The following NBPF12 variants were observed in gnomAD, a reference collection of about 807,000 sequenced individuals.
The protein encoded by NBPF12 is NBPF family member NBPF12.
In NBPF12, 115 loss-of-function variants were observed where a neutral mutation model predicts 146.4. The observed-to-expected ratio is 0.79, with a 90% CI of 0.68 to 0.92. The LOEUF (loss-of-function observed/expected upper bound fraction) is 0.92, where lower values mean the gene tolerates loss of function less well. Among genes scored for constraint, NBPF12 ranks in the 40% least tolerant of loss-of-function variants. NBPF12 has a pLI of 0.00. For synonymous variants in NBPF12, 385 were observed against 508.9 expected, an observed-to-expected ratio of 0.76 and a Z score of 3.28; for missense variants, 1,205 against 1,326.8, an observed-to-expected ratio of 0.91 and a Z score of 1.43.
chr1:146,960,216 C>T (rs1292583708), exon 4 of NBPF12: 73 of 1,004,218 alleles, frequency 7.3e-5, no homozygotes, highest in African/African-American at 5.7e-4. Flanking sequence ...CGAGAAATTG[C>T]GCCCCCAGTT....
chr1:146,950,301 A>C (rs1655273427), intron 1 of NBPF12, among the ~76,000 whole-genome samples: 1 of 151,898 alleles, frequency 6.6e-6, no homozygotes, highest in South Asian at 2.1e-4. Flanking sequence ...GTGTCCATTA[A>C]GTGCAGATCC....
exon 34 of NBPF12, chr1:146,994,563 A>T: frequency 1.2e-6 from 2 of 1,609,256 alleles, no homozygotes; most frequent in Non-Finnish European, 1.7e-6. Flanking sequence ...TGGGAGTCAT[A>T]TTCCCACAAT....
At chr1:146,968,576 A>T in intron 10 of NBPF12, 26 bp downstream of exon 13, 4 of 1,551,710 alleles carry the variant, frequency 2.6e-6, no homozygotes, top group South Asian at 2.2e-5. Context: ...GGGGGCAGGC[A>T]GGGGGGCAGG....
chr1:146,947,593 G>A (rs1342977134), upstream of NBPF12, among the ~76,000 whole-genome samples: 348 of 119,150 alleles, frequency 2.9e-3, 2 homozygotes, highest in Non-Finnish European at 4.2e-3. Context: ...GCAGCCATCA[G>A]CAGAGTTCTA....
chr1:146,945,886 T>C (rs1405761031), upstream of NBPF12, among the ~76,000 whole-genome samples: 1 of 151,988 alleles, frequency 6.6e-6, no homozygotes, highest in African/African-American at 2.4e-5. Flanking sequence ...TCCTAAATCC[T>C]CAATACAGCA....
chr1:146,971,426 C>T lies in NBPF12; in HGVS notation c.1591+32C>T, dbSNP rs1553886442. 14 of 1,558,862 alleles carry T rather than the reference C, an allele frequency of 9.0e-6. 1 individual carries two copies. The highest frequency in any genetic ancestry group is 8.5e-5 in the African/African-American group (6 of 70,248). On this transcript the variant is annotated intron_variant, in intron 13 of 33. Transcript: ENST00000617844. Reference sequence around the variant, plus strand: ...TCTATTTTCCTTGTGTCTCATACCTCTGTCTAGGCTATGGAAGATCAATTC... The same window carrying T: ...TCTATTTTCCTTGTGTCTCATACCTTTGTCTAGGCTATGGAAGATCAATTC...
At chr1:146,965,372 T>G (rs1430622686) in intron 8 of NBPF12, among the ~76,000 whole-genome samples, 1 of 151,358 alleles carries the variant, frequency 6.6e-6, no homozygotes, top group Non-Finnish European at 1.5e-5. Flanking sequence ...TGGTGCTGCG[T>G]GCCTATAGTC....
intron 2 of NBPF12, among the ~76,000 whole-genome samples, chr1:146,956,144 T>C (rs1398263687): frequency 6.6e-6 from 1 of 151,716 alleles, no homozygotes; most frequent in Non-Finnish European, 1.5e-5. Flanking sequence ...TGTCCAATAA[T>C]AAGTGAAAGT....
At chr1:146,964,484 G>T in intron 7 of NBPF12, 55 bp downstream of exon 10, 1 of 1,592,870 alleles carries the variant, frequency 6.3e-7, no homozygotes, top group Non-Finnish European at 8.6e-7. Context: ...AAAATGTCTA[G>T]AAGGCACACC....
chr1:146,943,949 C>A (rs1394763079), intron 2 of NBPF12, among the ~76,000 whole-genome samples: 2 of 140,594 alleles, frequency 1.4e-5, no homozygotes, highest in African/African-American at 5.5e-5. Context: ...TCATGGCTCA[C>A]CCCCTCCCTG....
rs1553887115 is a variant in NBPF12, at chr1:146,974,851, C to T, written c.1904+10C>T. The T allele has an allele frequency of 5.4e-6, 7 of 1,297,730 alleles. No homozygotes were observed. The highest frequency in any genetic ancestry group is 6.3e-6 in the Non-Finnish European group (6 of 956,486). 80.4% of individuals were successfully genotyped at this position (1,297,730 alleles called of 1,614,324 possible). On this transcript the variant is annotated intron_variant, in intron 15 of 33. Transcript: ENST00000617844. Reference sequence around the variant, plus strand: ...AAGCTGAGGAGCTCAGGTGAGGGGACCCCATGGGGGCAGACAGGGGGGCAG... The same window carrying T: ...AAGCTGAGGAGCTCAGGTGAGGGGATCCCATGGGGGCAGACAGGGGGGCAG...
chr1:146,980,088 T>C (rs2101898652), intron 19 of NBPF12, among the ~76,000 whole-genome samples: 1 of 151,206 alleles, frequency 6.6e-6, no homozygotes, highest in South Asian at 2.1e-4. Context: ...TCGTCTCTTT[T>C]GATATTTGTT....
chr1:146,944,612 G>A (rs1312425563), upstream of NBPF12, among the ~76,000 whole-genome samples: 2 of 151,668 alleles, frequency 1.3e-5, no homozygotes, highest in East Asian at 2.0e-4. Context: ...TGGCAACAGC[G>A]GGCCAGAGGA....
intron 16 of NBPF12, among the ~76,000 whole-genome samples, chr1:146,976,571 G>A (rs1286469844): frequency 6.9e-6 from 1 of 144,376 alleles, no homozygotes; most frequent in African/African-American, 2.7e-5. Flanking sequence ...GAAAGAATTA[G>A]GTTTGAAATG....
intron 5 of NBPF12, among the ~76,000 whole-genome samples, chr1:146,962,573 A>C (rs1167969982): frequency 6.6e-6 from 1 of 151,638 alleles, no homozygotes; most frequent in African/African-American, 2.4e-5. Flanking sequence ...ATGGTGTGCT[A>C]TTGCCACCCC....
chr1:146,972,385 C>T (rs1559524000), intron 13 of NBPF12, among the ~76,000 whole-genome samples: 1 of 151,002 alleles, frequency 6.6e-6, no homozygotes, highest in Admixed American at 6.6e-5. Flanking sequence ...CAGAGTGAGA[C>T]GCCGTCTCAA....
chr1:146,969,284 T>G, intron 10 of NBPF12, 98 bp from the exon 14 acceptor site: 1 of 757,120 alleles, frequency 1.3e-6, no homozygotes, highest in Non-Finnish European at 2.2e-6. Flanking sequence ...TGCTTGGAGG[T>G]CTCCTTGAGG....
rs1392259146 is a variant in NBPF12 at position 146,978,668 on chromosome 1, G to A, written c.2399-291G>A. ...CAGCAACATTCTTAGAAAATTGTTT[G>A]ACCAATTTTTGGAGATTTTTTTGGG... is the stretch of plus-strand genomic sequence containing the variant. On this transcript the variant is annotated intron_variant, in intron 18 of 33. Transcript: ENST00000617844. 2.7e-5 allele frequency among the ~76,000 whole-genome samples: 4 copies of A among 150,358 alleles called. No individual in the cohort carries two copies. In the Admixed American group the frequency reaches 2.7e-4, roughly 10 times the overall value.
At chr1:146,972,323 G>C (rs1656700034) in intron 13 of NBPF12, among the ~76,000 whole-genome samples, 2 of 151,154 alleles carry the variant, frequency 1.3e-5, no homozygotes, top group Non-Finnish European at 1.5e-5. Context: ...GAACCCGGGA[G>C]GCAGAGGTGG....
Sources: gnomAD v4.1 joint callset for allele counts (sites outside exome capture counted in the v4.1 genomes callset) on GRCh38, gnomAD v4.1.1 for gene constraint, MANE v1.5 for transcripts, NCBI Gene and HGNC (gene_info 2026-07-23, HGNC 2026-07-21) for gene names.